Variants in DVL1 observed in about 807,000 individuals in gnomAD.
DVL1 encodes the protein dishevelled segment polarity protein 1, also known as segment polarity protein dishevelled homolog DVL-1.
In DVL1, 49 loss-of-function variants were observed where a neutral mutation model predicts 65.0. The ratio of observed to expected loss-of-function variants is 0.75; its 90% CI spans 0.60 to 0.96. The LOEUF is 0.96. Among genes scored for constraint, DVL1 ranks in the 40% least tolerant of loss-of-function variants. DVL1 has a pLI of 0.00. For missense variants in DVL1, 1,197 were observed against 1,045.4 expected (o/e 1.15, Z -2.00); for synonymous variants, 608 against 433.9 (o/e 1.40, Z -4.99).
rs770238250 is a variant in DVL1 at position 1,338,576 on chromosome 1, G to T, written c.1285C>A (p.Leu429Met). The T allele has an allele frequency of 6.2e-7, 1 of 1,612,476 alleles. No homozygotes were observed. The highest frequency in any genetic ancestry group is 2.2e-5 in the East Asian group (1 of 44,878). The change falls in exon 12 of 15, where the codon CTG becomes ATG. Residue 429 changes from leucine (L) to methionine (M), a missense_variant. Coordinates refer to ENST00000378888, the MANE Select transcript of DVL1 (RefSeq NM_001330311.2). ...AGCCACATGCGGTCGCGGATCTCCA[G>T]TCCCGAGTCTGGCAGCTGCATGACC... Reference protein sequence around the residue: ...VRVMQLPDSGLEIRDRMWLKI... With the variant: ...VRVMQLPDSGMEIRDRMWLKI...
intron 14 of DVL1, among the ~76,000 whole-genome samples, chr1:1,336,792 G>C (rs561918443): frequency 6.6e-6 from 1 of 152,300 alleles, no homozygotes; most frequent in South Asian, 2.1e-4. Flanking sequence ...TGAGGGCCTG[G>C]TCTTGCGGCT....
At position 1,349,000 on chromosome 1, in the gene DVL1, G is replaced by A; in HGVS notation, c.66C>T (p.Pro22=). The change falls in exon 1 of 15, where the codon CCC becomes CCT. Residue 22 remains proline (P), a synonymous_variant. Coordinates refer to ENST00000378888, the MANE Select transcript of DVL1 (RefSeq NM_001330311.2). ...EEETPYLVKL[P]VAPERVTLAD... ...CCAGCGTGACGCGCTCGGGGGCCACGGGCAGCTTGACCAGGTACGGCGTCT... is the reference window on the plus strand; with the variant it reads ...CCAGCGTGACGCGCTCGGGGGCCACAGGCAGCTTGACCAGGTACGGCGTCT... The A allele has an allele frequency of 2.5e-6, 4 of 1,577,350 alleles. No individual in the cohort carries two copies. The highest frequency in any genetic ancestry group is 2.6e-6 in the Non-Finnish European group (3 of 1,159,654).
chr1:1,336,397 C>A lies in DVL1; in HGVS notation c.1833G>T (p.Gly611=), dbSNP rs772538439. The change falls in exon 15 of 15, where the codon GGG becomes GGT. Residue 611 remains glycine, a synonymous_variant. Transcript: ENST00000378888. ...GACGCTCTCGCCAGCTGCTCCCCAC[C>A]CCACTCGGTGCCGTGTGATCCGATT... ...GSESDHTAPS[G]VGSSWRERPA... is the part of the protein sequence containing the mutation. 2 of 1,599,380 alleles carry A rather than the reference C, an allele frequency of 1.3e-6. No homozygotes were observed. Among genetic ancestry groups the A allele is most frequent in the Non-Finnish European group, 1.7e-6 (2 of 1,178,566 alleles).
chr1:1,336,908 G>A (rs183268182), intron 14 of DVL1: 49 of 817,302 alleles, frequency 6.0e-5, no homozygotes, highest in African/African-American at 2.6e-4. Context: ...GACCCTGGCC[G>A]ACGGATGACT....
intron 1 of DVL1, among the ~76,000 whole-genome samples, chr1:1,347,381 G>C (rs1400833445): frequency 7.2e-5 from 11 of 152,194 alleles, no homozygotes; most frequent in Admixed American, 7.2e-4. Flanking sequence ...AATGTGCCCA[G>C]CAGGTGCAGC....
At chr1:1,341,515 G>C in intron 5 of DVL1, 152 bp downstream of exon 5, 1 of 1,081,800 alleles carries the variant, frequency 9.2e-7, no homozygotes, top group Non-Finnish European at 1.3e-6. Flanking sequence ...AAGCACACGT[G>C]CATCATGTAC....
Position 1,341,748 on chromosome 1 carries a change from G to A in DVL1, c.524C>T (p.Pro175Leu). ...GDRRRDVGLP[P>L]DSASTALSSE... ...GCTGAGGGCGGTGGACGCGCTGTCTGGGGGCAGCCCCACATCCCGCCGTCG... is the reference window on the plus strand; with the variant it reads ...GCTGAGGGCGGTGGACGCGCTGTCTAGGGGCAGCCCCACATCCCGCCGTCG... Residue 175 changes from proline to leucine, a missense_variant, in exon 5 of 15, where the codon CCA (proline) becomes CTA (leucine). By Grantham distance (98) the Pro-to-Leu change is moderately conservative. Transcript: ENST00000378888. 1.2e-6 allele frequency: 2 copies of A among 1,608,772 alleles called. No individual in the cohort carries two copies. The highest frequency in any genetic ancestry group is 1.1e-5 in the South Asian group (1 of 90,504).
At position 1,348,508 on chromosome 1, in the gene DVL1, C is replaced by G. The variant is rs138208435; in HGVS notation, c.170+388G>C. On this transcript the variant is annotated intron_variant, in intron 1 of 14. Transcript: ENST00000378888. ...TTGGTGAACCTGTACCCCCATGTCTCCCCATCCCAGCTAGGGAACCCCACC... is the reference window on the plus strand; with the variant it reads ...TTGGTGAACCTGTACCCCCATGTCTGCCCATCCCAGCTAGGGAACCCCACC... 1.7e-3 allele frequency among the ~76,000 whole-genome samples: 264 copies of G among 152,302 alleles called. 2 individuals are homozygous for G. Among genetic ancestry groups the G allele is most frequent in the Admixed American group, 9.3e-3 (143 of 15,302 alleles).
At chr1:1,340,848 TGCACACATGCACCCCTGCGCACAG>T (rs1405248920) in intron 5 of DVL1, among the ~76,000 whole-genome samples, 1 of 121,230 alleles carries the variant, frequency 8.2e-6, no homozygotes, top group Non-Finnish European at 1.6e-5. Flanking sequence ...CACGCAACCC[TGCACACATGCACCCCTGCGCACAG>T]GCACACATGC....
At chr1:1,342,290 T>C (rs940925980) in intron 3 of DVL1, 73 bp downstream of exon 3, 42 of 1,503,312 alleles carry the variant, frequency 2.8e-5, no homozygotes, top group Non-Finnish European at 3.7e-5. Flanking sequence ...CAGGCAGGCC[T>C]CCCTCCCCTG....
Position 1,337,831 on chromosome 1 carries a change from G to T in DVL1, c.1714+146C>A, listed in dbSNP as rs761241500. ...GGAGCATGGGATTGGGGTCAGCAGA[G>T]AAGCAGGGCGGAGCAGCAGCGGGGT... On this transcript the variant is annotated intron_variant, in intron 14 of 14. Transcript: ENST00000378888. 6.7e-6 allele frequency: 5 copies of T among 746,244 alleles called. No homozygotes were observed. The Admixed American group carries it at 1.0e-4, about 15-fold the overall frequency. 46.2% of individuals were successfully genotyped at this position (746,244 alleles called of 1,614,324 possible).
chr1:1,340,004 G>C, intron 8 of DVL1, 34 bp downstream of exon 8: 1 of 1,588,316 alleles, frequency 6.3e-7, no homozygotes, highest in Non-Finnish European at 8.6e-7. Flanking sequence ...CCCACCCGCA[G>C]CTACATGTCA....
Position 1,341,573 on chromosome 1 carries a change from A to G in DVL1, c.605+94T>C, listed in dbSNP as rs1349788105. The G allele has an allele frequency of 1.2e-5, 18 of 1,445,072 alleles. 1 individual carries two copies. The South Asian group carries it at 2.3e-4, about 18-fold the overall frequency. 89.5% of individuals were successfully genotyped at this position (1,445,072 alleles called of 1,614,324 possible). On this transcript the variant is annotated intron_variant, in intron 5 of 14. Transcript: ENST00000378888. The stretch of plus-strand genomic sequence containing the variant: ...ATGCACACACACGCACACACGTGCA[A>G]TGTGAAAACACCTCATGCAGACACA...
At position 1,340,697 on chromosome 1, in the gene DVL1, G is replaced by A. The variant is rs3855955; in HGVS notation, c.606-194C>T. On this transcript the variant is annotated intron_variant, in intron 5 of 14. Coordinates refer to ENST00000378888, the MANE Select transcript of DVL1 (RefSeq NM_001330311.2). Reference sequence around the variant, plus strand: ...AGCACACACGAAAATCCCAGAGACAGGCAAACTGGGCACAGACACATGTAG... The same window carrying A: ...AGCACACACGAAAATCCCAGAGACAAGCAAACTGGGCACAGACACATGTAG... 0.18 allele frequency among the ~76,000 whole-genome samples: 27,358 copies of A among 152,172 alleles called. 3,324 individuals carry two copies. Among genetic ancestry groups the A allele is most frequent in the Non-Finnish European group, 0.27 (18,191 of 67,960 alleles).
rs1347984404 is a variant in DVL1 at position 1,339,587 on chromosome 1, G to C, written c.1049C>G (p.Pro350Arg). ...DPTPRSYFTV[P>R]RADPVRPIDP... ...GTGCCCCGAGGGCCACTCACCCCGT[G>C]GGACGGTGAAGTAGCTTCGGGGCGT... The change falls in exon 10 of 15, where the codon CCA (proline) becomes CGA (arginine). Residue 350 changes from proline to arginine, a missense_variant. Transcript: ENST00000378888. The C allele has an allele frequency of 1.2e-6, 2 of 1,606,912 alleles. No individual in the cohort carries two copies. The highest frequency in any genetic ancestry group is 1.3e-5 in the African/African-American group (1 of 74,802).
chr1:1,336,370 C>T lies in DVL1; in HGVS notation c.1860G>A (p.Pro620=), dbSNP rs370205492. The T allele has an allele frequency of 1.9e-4, 307 of 1,597,528 alleles. 3 individuals carry two copies. In the East Asian group the frequency reaches 3.8e-3, roughly 20 times the overall value. ...TGCTGCCACGGCTGAGCTGGCCGGC[C>T]GGACGCTCTCGCCAGCTGCTCCCCA... ...SGVGSSWRER[P]AGQLSRGSSP... is the part of the protein sequence containing the mutation. Residue 620 remains proline, a synonymous_variant, in exon 15 of 15, where the codon CCG becomes CCA. Coordinates refer to ENST00000378888, the MANE Select transcript of DVL1 (RefSeq NM_001330311.2).
intron 11 of DVL1, 47 bp downstream of exon 11, chr1:1,339,240 C>G: frequency 6.5e-7 from 1 of 1,547,220 alleles, no homozygotes; most frequent in Non-Finnish European, 8.7e-7. Context: ...AGAGACGCCC[C>G]CTCCAAGCCT....
chr1:1,339,556 C>A (rs1294359261), intron 10 of DVL1, 26 bp downstream of exon 10: 16 of 1,589,306 alleles, frequency 1.0e-5, no homozygotes, highest in African/African-American at 1.3e-5. Flanking sequence ...CCCCATCCCG[C>A]CCCGTGTGCC....
intron 5 of DVL1, 48 bp downstream of exon 5, chr1:1,341,619 T>G (rs376369177): frequency 6.4e-7 from 1 of 1,560,486 alleles, no homozygotes; most frequent in Non-Finnish European, 8.7e-7. Flanking sequence ...GTACAGACAT[T>G]TGCAAGTGGG....
Sources: allele counts gnomAD v4.1 joint callset (sites outside exome capture counted in the v4.1 genomes callset), GRCh38; gene constraint gnomAD v4.1.1; transcripts MANE v1.5; gene names NCBI Gene and HGNC (gene_info 2026-07-23, HGNC 2026-07-21).